The following PCDH11X variants were observed in gnomAD, a reference collection of about 807,000 sequenced individuals.
PCDH11X encodes protocadherin 11 X-linked.
A neutral mutation model predicts 53.3 loss-of-function variants in PCDH11X; 18 were observed. The ratio of observed to expected loss-of-function variants is 0.34; its 90% CI spans 0.23 to 0.50. The LOEUF is 0.50. Ranked by LOEUF, PCDH11X falls within the 20% of genes least tolerant of loss-of-function variation. The pLI is 0.98. For missense variants in PCDH11X, 570 were observed against 1,032.4 expected (o/e 0.55, Z 6.14); for synonymous variants, 279 against 393.3 (o/e 0.71, Z 3.44).
At chrX:92,473,551 A>G (rs943088262) in intron 10 of PCDH11X, among the ~76,000 whole-genome samples, 1 of 110,420 alleles carries the variant, frequency 9.1e-6, no homozygotes, top group Non-Finnish European at 1.9e-5. Context: ...TGTTTACTTG[A>G]AGTTTTTCTC....
chrX:92,347,501 T>G (rs1179465271), intron 8 of PCDH11X, among the ~76,000 whole-genome samples: 1 of 112,131 alleles, frequency 8.9e-6, no homozygotes. Flanking sequence ...ATTCAAAATC[T>G]AAGAGGCTTC....
chrX:91,866,638 T>G (rs1299551173), intron 5 of PCDH11X, among the ~76,000 whole-genome samples: 2 of 105,380 alleles, frequency 1.9e-5, no homozygotes, highest in Admixed American at 2.0e-4. Flanking sequence ...GTGATTCAAC[T>G]TTTTTTTTTT....
intron 6 of PCDH11X, among the ~76,000 whole-genome samples, chrX:92,153,966 C>T (rs1339023003): frequency 1.8e-5 from 2 of 111,533 alleles, no homozygotes; most frequent in African/African-American, 3.3e-5. Flanking sequence ...GGTAGAAGAA[C>T]GCCAAAAGTT....
intron 9 of PCDH11X, among the ~76,000 whole-genome samples, chrX:92,461,209 C>T (rs993390338): frequency 1.8e-5 from 2 of 109,578 alleles, no homozygotes; most frequent in Non-Finnish European, 3.8e-5. Context: ...AAAAATAATC[C>T]TAAAATTTAT....
intron 7 of PCDH11X, among the ~76,000 whole-genome samples, chrX:92,250,716 A>G (rs2067443594): frequency 1.8e-5 from 2 of 108,740 alleles, no homozygotes; most frequent in South Asian, 3.9e-4. Context: ...TAAATCTTGA[A>G]GCTATTATGC....
intron 6 of PCDH11X, among the ~76,000 whole-genome samples, chrX:92,195,164 C>T (rs1481925810): frequency 3.6e-5 from 4 of 111,211 alleles, no homozygotes; most frequent in Non-Finnish European, 5.7e-5. Flanking sequence ...TTTTACAATC[C>T]GGTACCAAAC....
At chrX:91,787,112 A>G (rs1935360517) in intron 1 of PCDH11X, among the ~76,000 whole-genome samples, 1 of 105,168 alleles carries the variant, frequency 9.5e-6, no homozygotes, top group Non-Finnish European at 2.0e-5. Flanking sequence ...TTGTTTACAA[A>G]AATAATTTAA....
intron 6 of PCDH11X, among the ~76,000 whole-genome samples, chrX:91,981,509 A>G (rs1304021283): frequency 9.0e-6 from 1 of 111,616 alleles, no homozygotes; most frequent in African/African-American, 3.3e-5. Flanking sequence ...AAAATGATTC[A>G]TTAGAAAAAA....
chrX:92,607,898 C>T (rs925724617), intron 10 of PCDH11X, among the ~76,000 whole-genome samples: 4 of 111,202 alleles, frequency 3.6e-5, no homozygotes, highest in Non-Finnish European at 7.6e-5. Flanking sequence ...ATATTCCCAA[C>T]TATTTCTCAA....
At chrX:92,050,374 A>G (rs1602756239) in intron 6 of PCDH11X, among the ~76,000 whole-genome samples, 1 of 106,467 alleles carries the variant, frequency 9.4e-6, no homozygotes, top group East Asian at 3.0e-4. Flanking sequence ...GGATAGTAGA[A>G]TGATTTTCCA....
At chrX:92,204,514 C>A (rs1569420426) in intron 7 of PCDH11X, among the ~76,000 whole-genome samples, 1 of 111,835 alleles carries the variant, frequency 8.9e-6, no homozygotes, top group East Asian at 2.8e-4. Context: ...CTGAGACCAC[C>A]TCAGCCTGTA....
At chrX:92,541,888 G>A (rs1391444963) in intron 10 of PCDH11X, among the ~76,000 whole-genome samples, 6 of 110,472 alleles carry the variant, frequency 5.4e-5, no homozygotes, top group African/African-American at 2.0e-4. Context: ...GGCGGAGGTT[G>A]CAGTGAGCCA....
chrX:92,396,701 G>A (rs1443253712), intron 9 of PCDH11X, among the ~76,000 whole-genome samples: 2 of 104,073 alleles, frequency 1.9e-5, no homozygotes, highest in African/African-American at 7.1e-5. Context: ...AAATTAGCTG[G>A]GCATGATGGT....
intron 6 of PCDH11X, among the ~76,000 whole-genome samples, chrX:92,175,754 A>T (rs371384705): frequency 4.8e-5 from 1 of 20,880 alleles, no homozygotes; most frequent in Non-Finnish European, 8.0e-5. Context: ...GTGTATACAT[A>T]TATGTGTGTG....
At chrX:92,344,649 A>AT (rs1356639154) in intron 8 of PCDH11X, among the ~76,000 whole-genome samples, 1 of 98,205 alleles carries the variant, frequency 1.0e-5, no homozygotes, top group East Asian at 4.3e-4. Flanking sequence ...TACATCAACA[A>AT]GGCAGAGAAA....
chrX:92,117,175 G>T (rs1211349297), intron 6 of PCDH11X, among the ~76,000 whole-genome samples: 2 of 108,572 alleles, frequency 1.8e-5, no homozygotes, highest in Non-Finnish European at 3.8e-5. Context: ...GGTGGCTCAC[G>T]CCTGTAATCC....
chrX:92,041,786 C>T (rs1402128910), intron 6 of PCDH11X, among the ~76,000 whole-genome samples: 10 of 111,043 alleles, frequency 9.0e-5, no homozygotes, highest in African/African-American at 2.0e-4. Flanking sequence ...CCTGACAACA[C>T]GGCGAAACCC....
chrX:92,179,994 G>A (rs981369052), intron 6 of PCDH11X, among the ~76,000 whole-genome samples: 1 of 111,611 alleles, frequency 9.0e-6, no homozygotes, highest in Non-Finnish European at 1.9e-5. Context: ...GTATTAGTCT[G>A]TTCTCATACT....
chrX:91,925,744 T>C (rs1025799963), intron 6 of PCDH11X, among the ~76,000 whole-genome samples: 3 of 111,244 alleles, frequency 2.7e-5, no homozygotes, highest in Non-Finnish European at 3.8e-5. Context: ...CTATTCTTTT[T>C]AAGAAGAAAG....
Sources: allele counts gnomAD v4.1 joint callset (sites outside exome capture counted in the v4.1 genomes callset), GRCh38; gene constraint gnomAD v4.1.1; transcripts MANE v1.5; gene names NCBI Gene and HGNC (gene_info 2026-07-23, HGNC 2026-07-21).